IL22RA2: variants seen among roughly 807,000 people sequenced by gnomAD.
IL22RA2 encodes the protein interleukin-22 receptor subunit alpha-2.
IL22RA2 carries 39 observed loss-of-function variants against 30.7 expected under a neutral mutation model. That is an observed-to-expected ratio of 1.27 (90% confidence interval 0.98 to 1.66). IL22RA2 has a LOEUF of 1.66. IL22RA2 is among the 40% of genes most tolerant of loss of function. IL22RA2 has a pLI of 0.00. For synonymous variants in IL22RA2, 103 were observed against 105.0 expected, an observed-to-expected ratio of 0.98 and a Z score of 0.11; for missense variants, 315 against 312.7, an observed-to-expected ratio of 1.01 and a Z score of -0.05.
In IL22RA2 at chr6:137,161,720, G is replaced by A. The variant is rs907100462; in HGVS notation, c.30C>T (p.Phe10=). The A allele has an allele frequency of 3.7e-6, 6 of 1,613,664 alleles. No individual in the cohort carries two copies. The African/African-American group carries it at 4.0e-5, about 11-fold the overall frequency. ...CACCAGTAAGGAAGAAACTGATGAG[G>A]AAGCCTAGAAAGCAATGTTTAGGCA... is the stretch of plus-strand genomic sequence containing the variant. MMPKHCFLG[F]LISFFLTGVA... Residue 10 remains phenylalanine (F), a synonymous_variant, in exon 2 of 7, where the codon TTC becomes TTT. Transcript: ENST00000296980.
intron 5 of IL22RA2, among the ~76,000 whole-genome samples, chr6:137,151,397 T>C (rs1008772966): frequency 1.3e-5 from 2 of 152,150 alleles, no homozygotes; most frequent in African/African-American, 4.8e-5. Context: ...TCACACCACA[T>C]ACAAAAATTA....
Position 137,147,702 on chromosome 6 carries a change from A to G in IL22RA2, c.642+20T>C, listed in dbSNP as rs367980674. 6.7e-7 allele frequency: 1 copy of G among 1,482,678 alleles called. No homozygotes were observed. Among genetic ancestry groups the G allele is most frequent in the Non-Finnish European group, 9.2e-7 (1 of 1,090,612 alleles). The allele number at this position is 1,482,678 out of a possible 1,614,324, so 91.8% of individuals were successfully genotyped here. On this transcript the variant is annotated intron_variant, in intron 6 of 6. Coordinates refer to ENST00000296980, the MANE Select transcript of IL22RA2 (RefSeq NM_052962.3). ...AACAAAAGAAAAAAACTCTAAATAT[A>G]TCTATTCATCTGAACTTACCTTTTC...
intron 1 of IL22RA2, among the ~76,000 whole-genome samples, chr6:137,169,342 C>A (rs554386811): frequency 6.6e-6 from 1 of 152,272 alleles, no homozygotes; most frequent in East Asian, 1.9e-4. Flanking sequence ...ATTAGAAGCT[C>A]CAACTGTTTG....
intron 5 of IL22RA2, among the ~76,000 whole-genome samples, chr6:137,152,534 C>T (rs373232204): frequency 2.0e-5 from 3 of 152,024 alleles, no homozygotes; most frequent in Admixed American, 1.3e-4. Flanking sequence ...TAGTAGTTGC[C>T]GGGGCTGAGG....
At chr6:137,161,218 G>A (rs1383400553) in intron 2 of IL22RA2, among the ~76,000 whole-genome samples, 1 of 152,200 alleles carries the variant, frequency 6.6e-6, no homozygotes, top group Non-Finnish European at 1.5e-5. Context: ...TGAGGAAATT[G>A]AGGGTGTTAA....
intron 1 of IL22RA2, among the ~76,000 whole-genome samples, chr6:137,172,487 C>A (rs1778760360): frequency 1.3e-5 from 2 of 152,182 alleles, no homozygotes; most frequent in Admixed American, 6.5e-5. Flanking sequence ...AAATTAAATT[C>A]TAATTTCCCA....
chr6:137,166,905 C>G (rs921675501), intron 1 of IL22RA2, among the ~76,000 whole-genome samples: 1 of 152,220 alleles, frequency 6.6e-6, no homozygotes, highest in African/African-American at 2.4e-5. Context: ...ACATGGCCCC[C>G]AGGGATTCAA....
At chr6:137,166,093 G>A (rs1005418764) in intron 1 of IL22RA2, among the ~76,000 whole-genome samples, 1 of 152,188 alleles carries the variant, frequency 6.6e-6, no homozygotes, top group African/African-American at 2.4e-5. Flanking sequence ...AAGACTTAAA[G>A]GACTAGCCCT....
chr6:137,158,208 G>A, intron 3 of IL22RA2, 139 bp downstream of exon 3: 1 of 966,094 alleles, frequency 1.0e-6, no homozygotes, highest in South Asian at 1.6e-5. Flanking sequence ...GGGGAGACAA[G>A]TCACTGTTAT....
At chr6:137,166,012 A>C (rs1277385193) in intron 1 of IL22RA2, among the ~76,000 whole-genome samples, 1 of 152,222 alleles carries the variant, frequency 6.6e-6, no homozygotes, top group Non-Finnish European at 1.5e-5. Flanking sequence ...CGGAGCATGG[A>C]AAGCCCCCAT....
At chr6:137,146,468 C>T (rs72977614) in intron 6 of IL22RA2, among the ~76,000 whole-genome samples, 143 of 152,284 alleles carry the variant, frequency 9.4e-4, no homozygotes, top group South Asian at 3.7e-3. Flanking sequence ...AACTCACTTC[C>T]GTTTCCCTTC....
At chr6:137,160,163 C>T (rs752732381) in intron 2 of IL22RA2, among the ~76,000 whole-genome samples, 16 of 152,194 alleles carry the variant, frequency 1.1e-4, no homozygotes, top group Admixed American at 5.2e-4. Context: ...TTCCTGAAGG[C>T]CTGCCTAGAA....
intron 5 of IL22RA2, among the ~76,000 whole-genome samples, chr6:137,153,312 G>C (rs1398042758): frequency 6.6e-6 from 1 of 152,126 alleles, no homozygotes; most frequent in Non-Finnish European, 1.5e-5. Context: ...TTATAGGAAG[G>C]TGAAATGGAT....
intron 5 of IL22RA2, among the ~76,000 whole-genome samples, chr6:137,149,683 C>G (rs910222714): frequency 6.6e-6 from 1 of 152,212 alleles, no homozygotes; most frequent in Non-Finnish European, 1.5e-5. Context: ...CTTTTCTATA[C>G]ACAAGTCTGA....
intron 5 of IL22RA2, among the ~76,000 whole-genome samples, chr6:137,153,365 T>A (rs1778331471): frequency 6.6e-6 from 1 of 152,168 alleles, no homozygotes; most frequent in Non-Finnish European, 1.5e-5. Flanking sequence ...AATTGGCATA[T>A]GAATTGGTAA....
intron 6 of IL22RA2, among the ~76,000 whole-genome samples, chr6:137,146,008 C>T (rs1778171793): frequency 6.6e-6 from 1 of 152,058 alleles, no homozygotes; most frequent in Non-Finnish European, 1.5e-5. Flanking sequence ...CTGGTTGACC[C>T]CATGGTCAGA....
intron 6 of IL22RA2, among the ~76,000 whole-genome samples, chr6:137,147,278 C>G (rs1302642950): frequency 6.9e-6 from 1 of 145,976 alleles, no homozygotes; most frequent in Non-Finnish European, 1.5e-5. Flanking sequence ...AGGAGGACCA[C>G]TTAAGCCCAG....
chr6:137,151,965 G>A (rs1352197075), intron 5 of IL22RA2, among the ~76,000 whole-genome samples: 1 of 152,190 alleles, frequency 6.6e-6, no homozygotes. Flanking sequence ...TGCTTTGAAA[G>A]TAGTCTGGCA....
In IL22RA2 at chr6:137,161,779, G is replaced by T. The variant is rs372515029; in HGVS notation, c.-30C>A. On this transcript the variant is annotated 5_prime_UTR_variant, in exon 2 of 7. The change creates a new upstream start codon in the 5' untranslated region. Coordinates refer to ENST00000296980, the MANE Select transcript of IL22RA2 (RefSeq NM_052962.3). Reference sequence around the variant, plus strand: ...GCAAGTGTGACTGTTCAGGCAACCAGTGTTCCTTTTAACCAGCTCAGGACC... The same window carrying T: ...GCAAGTGTGACTGTTCAGGCAACCATTGTTCCTTTTAACCAGCTCAGGACC... 468 of 1,593,384 alleles carry T rather than the reference G, an allele frequency of 2.9e-4. No homozygotes were observed. The highest frequency in any genetic ancestry group is 2.3e-3 in the Middle Eastern group (14 of 6,054).
Sources: gnomAD v4.1 joint callset for allele counts (sites outside exome capture counted in the v4.1 genomes callset) on GRCh38, gnomAD v4.1.1 for gene constraint, MANE v1.5 for transcripts, NCBI Gene and HGNC (gene_info 2026-07-23, HGNC 2026-07-21) for gene names.